PITPNB: variants seen among roughly 807,000 people sequenced by gnomAD.
PITPNB encodes the protein phosphatidylinositol transfer protein beta isoform.
A neutral mutation model predicts 45.9 loss-of-function variants in PITPNB; 16 were observed. The observed-to-expected ratio is 0.35, with a 90% CI of 0.24 to 0.53. The LOEUF is 0.53. Ranked by LOEUF, PITPNB falls within the 20% of genes least tolerant of loss-of-function variation. The pLI is 0.93. For missense variants in PITPNB, 188 were observed against 330.5 expected (o/e 0.57, Z 3.34); for synonymous variants, 112 against 108.9 (o/e 1.03, Z -0.18).
In PITPNB at chr22:27,886,801, G is replaced by A. The variant is rs866572871; in HGVS notation, c.456+7754C>T. On this transcript the variant is annotated intron_variant, in intron 7 of 11. Transcript: ENST00000335272. ...TATTTCATGTTTGTCCTGACTCTGA[G>A]GACTTCACTCAAATTTAATAATGCA... is the stretch of plus-strand genomic sequence containing the variant. Among the ~76,000 whole-genome samples, 3 of 152,258 alleles carry A rather than the reference G, an allele frequency of 2.0e-5. 1 individual carries two copies. The Middle Eastern group carries it at 0.01, about 518-fold the overall frequency.
Position 27,854,900 on chromosome 22 carries a change from C to G in PITPNB, c.808G>C (p.Asp270His). 6.2e-7 allele frequency: 1 copy of G among 1,613,842 alleles called. No individual in the cohort carries two copies. The highest frequency in any genetic ancestry group is 1.7e-5 in the Admixed American group (1 of 60,020). Residue 270 changes from aspartate (D) to histidine (H), a missense_variant, in exon 11 of 12, where the codon GAT becomes CAT. Asp to His is a moderately conservative substitution (Grantham distance 81). Transcript: ENST00000335272. ...CCCTACAGGGGACTCATCTAGACAT[C>G]AGCAGCCGACGTGCCTCGAACGGAA... ...RGSVRGTSAA[D>H]V
chr22:27,857,515 A>C, intron 10 of PITPNB, among the ~76,000 whole-genome samples: 1 of 152,164 alleles, frequency 6.6e-6, no homozygotes. Flanking sequence ...CCTGTGATTA[A>C]ATGGAGTTTC....
At chr22:27,890,454 C>G (rs1382766035) in intron 7 of PITPNB, among the ~76,000 whole-genome samples, 1 of 151,586 alleles carries the variant, frequency 6.6e-6, no homozygotes, top group Non-Finnish European at 1.5e-5. Flanking sequence ...TCCTGTGACA[C>G]AAAGGTCTAC....
At chr22:27,862,125 T>C (rs1934354197) in intron 8 of PITPNB, among the ~76,000 whole-genome samples, 1 of 152,302 alleles carries the variant, frequency 6.6e-6, no homozygotes, top group East Asian at 1.9e-4. Context: ...CTGCCACCAC[T>C]GCTTGTCAGC....
chr22:27,906,963 C>T (rs920963393), intron 3 of PITPNB, among the ~76,000 whole-genome samples: 13 of 152,102 alleles, frequency 8.5e-5, no homozygotes, highest in African/African-American at 1.4e-4. Context: ...GGAAAGCATA[C>T]AGGTCAGGGA....
chr22:27,916,438 T>G (rs989779699), intron 1 of PITPNB, among the ~76,000 whole-genome samples: 7 of 152,224 alleles, frequency 4.6e-5, no homozygotes, highest in Non-Finnish European at 1.0e-4. Flanking sequence ...TAATGGTAAC[T>G]TCATCTACTG....
chr22:27,919,227 A>ATACCACCGCCG lies in PITPNB; in HGVS notation c.-37_-36insCGGCGGTGGTA, dbSNP rs1936202014. ...CCCCCTCACAGCTGCCGCCGATACC[A>ATACCACCGCCG]CCGCCGCCGCCGCCGCTACCGCCTC... On this transcript the variant is annotated 5_prime_UTR_variant, in exon 1 of 12. The change creates a new upstream start codon in the 5' untranslated region. Transcript: ENST00000335272. 1 of 1,565,426 alleles carries ATACCACCGCCG rather than the reference A, an allele frequency of 6.4e-7. No homozygotes were observed. The highest frequency in any genetic ancestry group is 1.4e-5 in the African/African-American group (1 of 73,580).
At chr22:27,902,727 T>TA (rs1323807578) in intron 3 of PITPNB, among the ~76,000 whole-genome samples, 1 of 152,180 alleles carries the variant, frequency 6.6e-6, no homozygotes, top group African/African-American at 2.4e-5. Context: ...TTTTTTTCTT[T>TA]GGTTTTTTAA....
chr22:27,877,210 C>T (rs145769147), intron 7 of PITPNB, among the ~76,000 whole-genome samples: 56 of 152,280 alleles, frequency 3.7e-4, no homozygotes, highest in African/African-American at 1.3e-3. Flanking sequence ...CTGTATAATG[C>T]CCAGAGGCCT....
At chr22:27,868,830 A>C (rs1000340061) in intron 8 of PITPNB, among the ~76,000 whole-genome samples, 2 of 152,224 alleles carry the variant, frequency 1.3e-5, no homozygotes, top group African/African-American at 2.4e-5. Flanking sequence ...TATAAGGAAG[A>C]GACGCTTTGA....
At chr22:27,913,678 A>G (rs1935998430) in intron 2 of PITPNB, among the ~76,000 whole-genome samples, 1 of 152,230 alleles carries the variant, frequency 6.6e-6, no homozygotes, top group African/African-American at 2.4e-5. Flanking sequence ...CAATTACAAC[A>G]CATATAGTAA....
intron 7 of PITPNB, among the ~76,000 whole-genome samples, chr22:27,890,436 C>T (rs931302976): frequency 4.0e-5 from 6 of 151,620 alleles, no homozygotes; most frequent in Non-Finnish European, 8.8e-5. Flanking sequence ...GCACATTAGA[C>T]GAAAAGCTCC....
chr22:27,918,320 C>T (rs922938127), intron 1 of PITPNB, among the ~76,000 whole-genome samples: 2 of 152,122 alleles, frequency 1.3e-5, no homozygotes, highest in African/African-American at 4.8e-5. Context: ...TGAAAACCAA[C>T]GAATGGGCCA....
At chr22:27,865,123 T>C (rs1001748908) in intron 8 of PITPNB, among the ~76,000 whole-genome samples, 1 of 152,202 alleles carries the variant, frequency 6.6e-6, no homozygotes, top group Admixed American at 6.5e-5. Context: ...AACTAATTTT[T>C]TTCTTTTGTG....
chr22:27,914,891 A>G (rs1242642441), intron 1 of PITPNB, among the ~76,000 whole-genome samples: 3 of 152,158 alleles, frequency 2.0e-5, no homozygotes, highest in Non-Finnish European at 1.5e-5. Context: ...AAATTTTACT[A>G]TGGAAACTAC....
chr22:27,870,699 C>T (rs1271443028), intron 8 of PITPNB, among the ~76,000 whole-genome samples: 1 of 152,194 alleles, frequency 6.6e-6, no homozygotes, highest in Non-Finnish European at 1.5e-5. Flanking sequence ...CCCTCAGTGC[C>T]TCCACCAGGA....
In PITPNB at chr22:27,894,496, T is replaced by G. The variant is rs960959468; in HGVS notation, c.456+59A>C. 3 of 917,736 alleles carry G rather than the reference T, an allele frequency of 3.3e-6. No individual in the cohort carries two copies. The East Asian group carries it at 7.2e-5, about 22-fold the overall frequency. 56.8% of individuals were successfully genotyped at this position (917,736 alleles called of 1,614,324 possible). On this transcript the variant is annotated intron_variant, in intron 7 of 11. Transcript: ENST00000335272. The stretch of plus-strand genomic sequence containing the variant: ...TTTAACTTAATCCCAAATGTGATAG[T>G]AGAAAATAATTTTTAACTGTAAAAG...
chr22:27,890,262 G>C (rs1409574361), intron 7 of PITPNB, among the ~76,000 whole-genome samples: 1 of 150,822 alleles, frequency 6.6e-6, no homozygotes, highest in Non-Finnish European at 1.5e-5. Flanking sequence ...GAAGCTCAAT[G>C]CTCTGCTCCA....
chr22:27,856,587 C>T (rs1934180318), intron 10 of PITPNB, among the ~76,000 whole-genome samples: 1 of 152,192 alleles, frequency 6.6e-6, no homozygotes, highest in African/African-American at 2.4e-5. Context: ...TAGGGCTTAT[C>T]ACCTGGTCAA....
Sources: allele counts gnomAD v4.1 joint callset (sites outside exome capture counted in the v4.1 genomes callset), GRCh38; gene constraint gnomAD v4.1.1; transcripts MANE v1.5; gene names NCBI Gene and HGNC (gene_info 2026-07-23, HGNC 2026-07-21).